POU3F3: variants seen among roughly 807,000 people sequenced by gnomAD.
The protein encoded by POU3F3 is POU domain, class 3, transcription factor 3.
POU3F3 carries 1 observed loss-of-function variant against 8.6 expected under a neutral mutation model. The ratio of observed to expected loss-of-function variants is 0.12; its 90% CI spans 0.04 to 0.55. The LOEUF (loss-of-function observed/expected upper bound fraction) is 0.55, where lower values mean the gene tolerates loss of function less well. Among genes scored for constraint, POU3F3 ranks in the 20% least tolerant of loss-of-function variants. The pLI is 0.91. For synonymous variants in POU3F3, 418 were observed against 327.4 expected, an observed-to-expected ratio of 1.28 and a Z score of -2.99; for missense variants, 577 against 690.7, an observed-to-expected ratio of 0.84 and a Z score of 1.84.
the POU3F3 span, among the ~76,000 whole-genome samples, chr2:104,916,584 TC>T: frequency 6.6e-6 from 1 of 151,834 alleles, no homozygotes; most frequent in Non-Finnish European, 1.5e-5. Context: ...GTGTTTGACG[TC>T]CCCCAGCAGG....
chr2:104,910,479 A>G, the POU3F3 span, among the ~76,000 whole-genome samples: 8 of 152,200 alleles, frequency 5.3e-5, no homozygotes, highest in Non-Finnish European at 1.2e-4. Context: ...CTACAGGCAG[A>G]TCGTGTAAAC....
the POU3F3 span, among the ~76,000 whole-genome samples, chr2:104,869,611 T>C: frequency 6.6e-6 from 1 of 152,212 alleles, no homozygotes; most frequent in Non-Finnish European, 1.5e-5. Context: ...GTAGGACAGC[T>C]GGACAGGATC....
In POU3F3 at chr2:104,856,819, A is replaced by T. The variant is rs745493142; in HGVS notation, c.1309A>T (p.Thr437Ser). 29 of 1,613,932 alleles carry T rather than the reference A, an allele frequency of 1.8e-5. No individual in the cohort carries two copies. In the South Asian group the frequency reaches 3.2e-4, roughly 18 times the overall value. Residue 437 changes from threonine (T) to serine (S), a missense_variant, in exon 1 of 1, where the codon ACC becomes TCC. Around this residue, in one of 7 missense-constraint regions of POU3F3, gnomAD observed 21 missense variants for 41.9 expected, o/e 0.50. Transcript: ENST00000361360. ...CCCCAAGCCCTCCGCGCAGGAGATC[A>T]CCAACCTGGCCGACAGCCTGCAGCT... ...KCPKPSAQEI[T>S]NLADSLQLEK...
At chr2:104,925,412 T>C in the POU3F3 span, among the ~76,000 whole-genome samples, 113,196 of 152,052 alleles carry the variant, frequency 0.74, 43,383 homozygotes, top group African/African-American at 0.93. Flanking sequence ...AGAAAGAAAA[T>C]GAGTAGGTAA....
the POU3F3 span, among the ~76,000 whole-genome samples, chr2:104,920,561 G>A: frequency 6.6e-6 from 1 of 152,048 alleles, no homozygotes; most frequent in Non-Finnish European, 1.5e-5. Flanking sequence ...ATGTGATCTG[G>A]CTCCCAGGTT....
the POU3F3 span, among the ~76,000 whole-genome samples, chr2:104,902,019 G>A: frequency 1.3e-5 from 2 of 152,170 alleles, no homozygotes; most frequent in Non-Finnish European, 2.9e-5. Context: ...ATGTTCACCA[G>A]GAAAAGTCCA....
Position 104,855,840 on chromosome 2 carries a change from T to TGCCGCC in POU3F3, c.341_346dup (p.Ala114_Ala115dup), listed in dbSNP as rs781161822. 7.4e-6 allele frequency: 8 copies of TGCCGCC among 1,075,038 alleles called. No homozygotes were observed. Among genetic ancestry groups the TGCCGCC allele is most frequent in the Non-Finnish European group, 8.9e-6 (8 of 895,252 alleles). 66.6% of individuals were successfully genotyped at this position (1,075,038 alleles called of 1,614,324 possible). A position where few individuals can be genotyped will look rare whatever the true frequency, so the allele number is the denominator to read the frequency against. ...CCCACGCCGCCGCCGCCGCCGCCGC[T>TGCCGCC]GCCGCCGCCGCCGCCGTGGAGGCGA... On this transcript the variant is annotated inframe_insertion, in exon 1 of 1. Coordinates refer to ENST00000361360, the MANE Select transcript of POU3F3 (RefSeq NM_006236.3).
At chr2:104,873,471 A>G in the POU3F3 span, among the ~76,000 whole-genome samples, 2 of 152,006 alleles carry the variant, frequency 1.3e-5, no homozygotes, top group Non-Finnish European at 2.9e-5. Flanking sequence ...CCGACCCGCG[A>G]CGGGGCCACG....
chr2:104,881,608 A>G, the POU3F3 span, among the ~76,000 whole-genome samples: 1 of 152,082 alleles, frequency 6.6e-6, no homozygotes, highest in African/African-American at 2.4e-5. Flanking sequence ...TATTATTTCA[A>G]ATTGGCTTTT....
chr2:104,856,446 G>A lies in POU3F3; in HGVS notation c.936G>A (p.Ser312=), dbSNP rs1169892424. 4 of 1,612,158 alleles carry A rather than the reference G, an allele frequency of 2.5e-6. No individual in the cohort carries two copies. Among genetic ancestry groups the A allele is most frequent in the Non-Finnish European group, 1.7e-6 (2 of 1,179,650 alleles). Residue 312 remains serine, a synonymous_variant, in exon 1 of 1, where the codon TCG becomes TCA. Transcript: ENST00000361360. ...GACTCAACAGCCACGACCCGCACTC[G>A]GACGAGGACACGCCGACGTCGGACG... ...GPGLNSHDPH[S]DEDTPTSDDL...
the POU3F3 span, among the ~76,000 whole-genome samples, chr2:104,912,818 C>A: frequency 6.6e-6 from 1 of 152,198 alleles, no homozygotes; most frequent in Non-Finnish European, 1.5e-5. Flanking sequence ...GCCATGATGT[C>A]AGCATCCCTT....
downstream of POU3F3, among the ~76,000 whole-genome samples, chr2:104,863,306 G>A (rs1676688900): frequency 1.3e-5 from 2 of 151,814 alleles, no homozygotes; most frequent in Non-Finnish European, 2.9e-5. Flanking sequence ...GAATTGAGGA[G>A]CGAAGGAAAG....
At chr2:104,906,122 A>G in the POU3F3 span, among the ~76,000 whole-genome samples, 1 of 152,236 alleles carries the variant, frequency 6.6e-6, no homozygotes, top group African/African-American at 2.4e-5. Flanking sequence ...TGATGCATAG[A>G]AAGGTCTTCC....
chr2:104,901,777 G>A, the POU3F3 span, among the ~76,000 whole-genome samples: 1 of 152,230 alleles, frequency 6.6e-6, no homozygotes, highest in Non-Finnish European at 1.5e-5. Context: ...GCATTGGAAA[G>A]CCTTGGGAAA....
chr2:104,915,263 A>G, the POU3F3 span, among the ~76,000 whole-genome samples: 7 of 152,194 alleles, frequency 4.6e-5, no homozygotes, highest in Non-Finnish European at 8.8e-5. Context: ...TGGCCACGGT[A>G]AGTCCTGAAG....
the POU3F3 span, among the ~76,000 whole-genome samples, chr2:104,890,614 T>G: frequency 2.0e-4 from 31 of 152,284 alleles, no homozygotes; most frequent in African/African-American, 7.0e-4. Context: ...TCTCTGTGGC[T>G]ATCCTGGGTC....
chr2:104,859,102 T>C (rs1449471592), downstream of POU3F3, among the ~76,000 whole-genome samples: 2 of 149,610 alleles, frequency 1.3e-5, no homozygotes, highest in Non-Finnish European at 2.9e-5. Context: ...TCAATAACTA[T>C]ATGTAATTAA....
Position 104,856,734 on chromosome 2 carries a change from G to A in POU3F3, c.1224G>A (p.Lys408=). ...TCGCGGCGCAGGGCCGCAAGCGCAA[G>A]AAGCGGACCTCTATCGAGGTGAGCG... ...DKIAAQGRKR[K]KRTSIEVSVK... is the part of the protein sequence containing the mutation. Residue 408 remains lysine (K), a synonymous_variant, in exon 1 of 1, where the codon AAG becomes AAA. Coordinates refer to ENST00000361360, the MANE Select transcript of POU3F3 (RefSeq NM_006236.3). The A allele has an allele frequency of 6.2e-7, 1 of 1,614,154 alleles. No homozygotes were observed. Among genetic ancestry groups the A allele is most frequent in the Non-Finnish European group, 8.5e-7 (1 of 1,180,036 alleles).
At chr2:104,865,139 G>A in the POU3F3 span, among the ~76,000 whole-genome samples, 31 of 152,252 alleles carry the variant, frequency 2.0e-4, no homozygotes, top group Middle Eastern at 3.4e-3. Flanking sequence ...CCTAGTCACC[G>A]GTATGCCAGG....
Sources: gnomAD v4.1 joint callset for allele counts (sites outside exome capture counted in the v4.1 genomes callset) on GRCh38, gnomAD v4.1.1 for gene constraint, gnomAD v4.1.1 regional missense constraint, MANE v1.5 for transcripts, NCBI Gene and HGNC (gene_info 2026-07-23, HGNC 2026-07-21) for gene names.